The following TRMT11 variants were observed in gnomAD, a reference collection of about 807,000 sequenced individuals.
TRMT11 encodes tRNA (guanine(10)-N(2))-methyltransferase TRMT11.
Under a neutral mutation model 62.8 loss-of-function variants are expected in TRMT11, and 53 were observed. That is an observed-to-expected ratio of 0.84 (90% CI 0.68 to 1.06). TRMT11 has a LOEUF of 1.06. Ranked by LOEUF, TRMT11 falls within the 50% of genes least tolerant of loss-of-function variation. The pLI is 0.00. For synonymous variants in TRMT11, 188 were observed against 190.3 expected (o/e 0.99, Z 0.10); for missense variants, 556 against 553.4 (o/e 1.00, Z -0.05).
intron 3 of TRMT11, among the ~76,000 whole-genome samples, chr6:126,201,070 C>T (rs2128252781): frequency 6.6e-6 from 1 of 152,256 alleles, no homozygotes; most frequent in South Asian, 2.1e-4. Flanking sequence ...AAGCGTACTC[C>T]CTGCCAATAT....
At chr6:126,017,772 G>A (rs572687160) in intron 11 of TRMT11, among the ~76,000 whole-genome samples, 2 of 152,276 alleles carry the variant, frequency 1.3e-5, no homozygotes, top group South Asian at 4.1e-4. Context: ...TAAAATTACT[G>A]TAGACTGTTG....
At chr6:126,204,306 A>G (rs56342404), downstream of TRMT11, among the ~76,000 whole-genome samples, 2,434 of 152,284 alleles carry the variant, frequency 0.016, 59 homozygotes, top group African/African-American at 0.053. Context: ...GTTATTGTAT[A>G]TAGGTGTGAG....
chr6:126,160,527 AG>A (rs549809646), intron 21 of TRMT11, among the ~76,000 whole-genome samples: 20 of 152,288 alleles, frequency 1.3e-4, no homozygotes, highest in African/African-American at 4.8e-4. Context: ...TCTCAACAAT[AG>A]GAAGACTTCA....
At chr6:125,994,040 C>T (rs1791050264) in intron 2 of TRMT11, among the ~76,000 whole-genome samples, 1 of 152,066 alleles carries the variant, frequency 6.6e-6, no homozygotes, top group Non-Finnish European at 1.5e-5. Context: ...TTTTAGTCAA[C>T]AGTTGTGTCA....
At chr6:126,269,619 T>A in the TRMT11 span, among the ~76,000 whole-genome samples, 1 of 152,242 alleles carries the variant, frequency 6.6e-6, no homozygotes, top group Non-Finnish European at 1.5e-5. Context: ...TTATTCATTA[T>A]AGCATTGTTT....
intron 12 of TRMT11, among the ~76,000 whole-genome samples, chr6:126,035,057 A>C (rs1774919046): frequency 6.6e-6 from 1 of 152,116 alleles, no homozygotes; most frequent in Admixed American, 6.5e-5. Flanking sequence ...GAAAACAAAA[A>C]ATGAGTTTGC....
intron 12 of TRMT11, among the ~76,000 whole-genome samples, chr6:126,036,601 T>C (rs1775236908): frequency 6.6e-6 from 1 of 152,052 alleles, no homozygotes. Flanking sequence ...TGCCAAGAAT[T>C]GTGAGGATCA....
intron 17 of TRMT11, among the ~76,000 whole-genome samples, chr6:126,101,176 C>G (rs1483448058): frequency 6.6e-6 from 1 of 152,074 alleles, no homozygotes; most frequent in Admixed American, 6.5e-5. Flanking sequence ...GTAGAGAACC[C>G]TTGTTATTCA....
At chr6:126,146,551 C>T (rs1361589896) in intron 21 of TRMT11, among the ~76,000 whole-genome samples, 3 of 149,622 alleles carry the variant, frequency 2.0e-5, no homozygotes, top group Non-Finnish European at 4.4e-5. Context: ...GAGTTTCACT[C>T]TTCTTGCCCA....
chr6:126,014,637 C>G (rs1232846029), intron 11 of TRMT11, among the ~76,000 whole-genome samples: 1 of 152,196 alleles, frequency 6.6e-6, no homozygotes, highest in Non-Finnish European at 1.5e-5. Context: ...GGACCCTCAG[C>G]TATTTCTTGT....
At chr6:126,134,675 T>C (rs372409005) in intron 21 of TRMT11, among the ~76,000 whole-genome samples, 2 of 151,826 alleles carry the variant, frequency 1.3e-5, no homozygotes, top group Admixed American at 1.3e-4. Context: ...TTTCATCCAG[T>C]TGGATGTGAA....
At chr6:125,991,394 G>T (rs1790602604) in intron 1 of TRMT11, among the ~76,000 whole-genome samples, 1 of 151,962 alleles carries the variant, frequency 6.6e-6, no homozygotes, top group South Asian at 2.1e-4. Context: ...GGGACTACAG[G>T]TGCACCACTA....
chr6:126,265,257 A>G, the TRMT11 span, among the ~76,000 whole-genome samples: 2 of 152,148 alleles, frequency 1.3e-5, no homozygotes, highest in African/African-American at 2.4e-5. Flanking sequence ...GTGAAGACAG[A>G]TTCACTTCAC....
chr6:126,054,916 G>A (rs753495845), intron 17 of TRMT11, among the ~76,000 whole-genome samples: 8 of 152,186 alleles, frequency 5.3e-5, no homozygotes, highest in Non-Finnish European at 1.2e-4. Flanking sequence ...TTTCCTTGAA[G>A]ATTCTTACCA....
chr6:126,219,833 G>A, the TRMT11 span, among the ~76,000 whole-genome samples: 2 of 152,164 alleles, frequency 1.3e-5, no homozygotes, highest in Admixed American at 1.3e-4. Flanking sequence ...ATTCTTCTAA[G>A]TGATTTATAA....
At chr6:126,126,107 T>A (rs1383672012) in intron 21 of TRMT11, among the ~76,000 whole-genome samples, 1 of 152,062 alleles carries the variant, frequency 6.6e-6, no homozygotes, top group Admixed American at 6.6e-5. Context: ...TACATTTGTG[T>A]TATTTGTCTG....
intron 21 of TRMT11, among the ~76,000 whole-genome samples, chr6:126,115,906 C>G (rs1215030420): frequency 6.6e-6 from 1 of 152,008 alleles, no homozygotes; most frequent in Non-Finnish European, 1.5e-5. Flanking sequence ...TGCTGCACCC[C>G]CTGAGAGATA....
At chr6:126,226,373 T>C in the TRMT11 span, among the ~76,000 whole-genome samples, 1 of 152,176 alleles carries the variant, frequency 6.6e-6, no homozygotes, top group African/African-American at 2.4e-5. Context: ...CCAATCCCAA[T>C]ATCAATTACT....
the TRMT11 span, among the ~76,000 whole-genome samples, chr6:126,248,104 C>T: frequency 6.6e-6 from 1 of 152,032 alleles, no homozygotes; most frequent in East Asian, 1.9e-4. Context: ...CCCAGCCAAA[C>T]TCTAAAGCAA....
Sources: allele counts gnomAD v4.1 joint callset (sites outside exome capture counted in the v4.1 genomes callset), GRCh38; gene constraint gnomAD v4.1.1; transcripts MANE v1.5; gene names NCBI Gene and HGNC (gene_info 2026-07-23, HGNC 2026-07-21).